JPH1: variants seen among roughly 807,000 people sequenced by gnomAD.
JPH1 encodes junctophilin 1, also known as junctophilin-1.
In JPH1, 12 loss-of-function variants were observed where a neutral mutation model predicts 53.6. The observed-to-expected ratio is 0.22, with a 90% CI of 0.14 to 0.36. The LOEUF is 0.36. JPH1 is among the 10% of genes least tolerant of loss of function. The pLI is 1.00. For synonymous variants in JPH1, 375 were observed against 363.8 expected, an observed-to-expected ratio of 1.03 and a Z score of -0.35; for missense variants, 808 against 905.5, an observed-to-expected ratio of 0.89 and a Z score of 1.38.
At chr8:74,249,274 C>T (rs1331899295) in intron 3 of JPH1, among the ~76,000 whole-genome samples, 1 of 152,164 alleles carries the variant, frequency 6.6e-6, no homozygotes, top group Non-Finnish European at 1.5e-5. Flanking sequence ...TTTGTAGCAA[C>T]AGCAGTAGTC....
chr8:74,238,059 C>T (rs1807050676), intron 4 of JPH1, among the ~76,000 whole-genome samples: 2 of 152,330 alleles, frequency 1.3e-5, no homozygotes, highest in South Asian at 4.1e-4. Flanking sequence ...CTTTTCAGAT[C>T]TGCTCCATGA....
At chr8:74,279,609 A>T (rs1335161571) in intron 2 of JPH1, among the ~76,000 whole-genome samples, 1 of 152,202 alleles carries the variant, frequency 6.6e-6, no homozygotes, top group Admixed American at 6.5e-5. Flanking sequence ...TCTACCTGTG[A>T]TATATTCGTT....
At chr8:74,276,163 T>C (rs1806841509) in intron 2 of JPH1, among the ~76,000 whole-genome samples, 1 of 152,034 alleles carries the variant, frequency 6.6e-6, no homozygotes. Flanking sequence ...GAAACTAACA[T>C]TAAATGGACA....
At chr8:74,237,499 T>G (rs1379743640) in intron 4 of JPH1, among the ~76,000 whole-genome samples, 196 bp from the exon 5 acceptor site, 1 of 152,232 alleles carries the variant, frequency 6.6e-6, no homozygotes, top group Admixed American at 6.5e-5. Flanking sequence ...GAACCTTCAC[T>G]TAAAAATGAA....
intron 2 of JPH1, among the ~76,000 whole-genome samples, chr8:74,260,509 ATATTT>A (rs1806359337): frequency 2.0e-5 from 3 of 152,204 alleles, no homozygotes; most frequent in Non-Finnish European, 4.4e-5. Context: ...ATTTTCTATT[ATATTT>A]TATTAGCACT....
intron 2 of JPH1, among the ~76,000 whole-genome samples, chr8:74,295,038 A>G (rs1239325876): frequency 6.6e-6 from 1 of 152,224 alleles, no homozygotes; most frequent in Non-Finnish European, 1.5e-5. Context: ...CTGGACCTAC[A>G]TAAGTTTGAA....
chr8:74,240,624 T>C (rs538856820), intron 4 of JPH1, among the ~76,000 whole-genome samples: 1 of 152,308 alleles, frequency 6.6e-6, no homozygotes, highest in South Asian at 2.1e-4. Flanking sequence ...TTCATGAGTG[T>C]TTTAAGAATT....
At chr8:74,255,699 G>GA (rs1325704148) in intron 3 of JPH1, among the ~76,000 whole-genome samples, 1 of 151,766 alleles carries the variant, frequency 6.6e-6, no homozygotes, top group Non-Finnish European at 1.5e-5. Flanking sequence ...AAATTTACAA[G>GA]AAAAAAACAA....
chr8:74,279,879 T>A (rs1175764127), intron 2 of JPH1, among the ~76,000 whole-genome samples: 1 of 152,342 alleles, frequency 6.6e-6, no homozygotes, highest in Non-Finnish European at 1.5e-5. Context: ...ACTTGAATAT[T>A]CGATAGTTGT....
At chr8:74,266,810 G>A (rs1227993859) in intron 2 of JPH1, among the ~76,000 whole-genome samples, 1 of 152,198 alleles carries the variant, frequency 6.6e-6, no homozygotes, top group Non-Finnish European at 1.5e-5. Context: ...CCGTTGAGAA[G>A]TAGCTGCATG....
At chr8:74,312,104 T>C (rs1168612706) in intron 2 of JPH1, among the ~76,000 whole-genome samples, 1 of 152,180 alleles carries the variant, frequency 6.6e-6, no homozygotes, top group Non-Finnish European at 1.5e-5. Flanking sequence ...GCAAGGAATC[T>C]GGGAAAAGGA....
intron 3 of JPH1, among the ~76,000 whole-genome samples, chr8:74,246,353 AC>A (rs1211155101): frequency 1.3e-5 from 2 of 152,176 alleles, no homozygotes; most frequent in African/African-American, 4.8e-5. Context: ...TTCACCCCAG[AC>A]AAACTCACTA....
intron 3 of JPH1, among the ~76,000 whole-genome samples, chr8:74,258,697 G>T (rs1806305932): frequency 6.6e-6 from 1 of 152,110 alleles, no homozygotes; most frequent in Non-Finnish European, 1.5e-5. Context: ...ACTACTAAAA[G>T]TGCCTCTGAA....
intron 3 of JPH1, among the ~76,000 whole-genome samples, chr8:74,256,843 T>C (rs955070084): frequency 4.6e-5 from 7 of 152,132 alleles, no homozygotes; most frequent in Non-Finnish European, 8.8e-5. Context: ...CTCCTGAAAA[T>C]AGGTAATTTG....
At chr8:74,263,256 T>C (rs1806443883) in intron 2 of JPH1, among the ~76,000 whole-genome samples, 2 of 152,204 alleles carry the variant, frequency 1.3e-5, no homozygotes, top group South Asian at 4.1e-4. Context: ...CTACTTTTTA[T>C]ATAGTCTTTT....
intron 2 of JPH1, among the ~76,000 whole-genome samples, chr8:74,303,195 C>T (rs76925253): frequency 0.081 from 12,337 of 152,222 alleles, 639 homozygotes; most frequent in African/African-American, 0.15. Flanking sequence ...CTGCATGTCC[C>T]GTAAGTCTTT....
Position 74,277,714 on chromosome 8 carries a change from C to T in JPH1, c.1140-18211G>A, listed in dbSNP as rs542243192. ...GTAGAACCCACCTCTTAGGGCTAGA[C>T]GAGGCTCACAGATGTATACATAAAT... On this transcript the variant is annotated intron_variant, in intron 2 of 5. Transcript: ENST00000342232. Among the ~76,000 whole-genome samples, 11 of 152,232 alleles carry T rather than the reference C, an allele frequency of 7.2e-5. No homozygotes were observed. The East Asian group carries it at 1.7e-3, about 24-fold the overall frequency.
Position 74,234,783 on chromosome 8 carries a change from A to T in JPH1, c.*2268T>A, listed in dbSNP as rs1806951071. Reference sequence around the variant, plus strand: ...ATACATTTTGGTTTCAAGAATTATAAATAAAGGAACTCACAGGTAGGGAGT... The same window carrying T: ...ATACATTTTGGTTTCAAGAATTATATATAAAGGAACTCACAGGTAGGGAGT... On this transcript the variant is annotated 3_prime_UTR_variant, in exon 6 of 6. Coordinates refer to ENST00000342232, the MANE Select transcript of JPH1 (RefSeq NM_020647.4). 1 of 152,638 alleles carries T rather than the reference A, an allele frequency of 6.6e-6. No homozygotes were observed. Among genetic ancestry groups the T allele is most frequent in the African/African-American group, 2.4e-5 (1 of 41,442 alleles). 9.5% of individuals were successfully genotyped at this position (152,638 alleles called of 1,614,324 possible).
intron 3 of JPH1, among the ~76,000 whole-genome samples, chr8:74,255,307 T>C (rs1806186483): frequency 6.6e-6 from 1 of 152,068 alleles, no homozygotes; most frequent in African/African-American, 2.4e-5. Context: ...GGATTCCCTA[T>C]TTAATAAATG....
Sources: allele counts gnomAD v4.1 joint callset (sites outside exome capture counted in the v4.1 genomes callset), GRCh38; gene constraint gnomAD v4.1.1; transcripts MANE v1.5; gene names NCBI Gene and HGNC (gene_info 2026-07-23, HGNC 2026-07-21).